BCAR3: variants seen among roughly 807,000 people sequenced by gnomAD.
The protein encoded by BCAR3 is breast cancer anti-estrogen resistance protein 3.
Under a neutral mutation model 80.1 loss-of-function variants are expected in BCAR3, and 37 were observed. The observed-to-expected ratio is 0.46, with a 90% confidence interval of 0.36 to 0.61. The LOEUF is 0.61. Among genes scored for constraint, BCAR3 ranks in the 20% least tolerant of loss-of-function variants. BCAR3 has a pLI of 0.00. For missense variants in BCAR3, 978 were observed against 1,068.2 expected, an observed-to-expected ratio of 0.92 and a Z score of 1.18; for synonymous variants, 389 against 418.9, an observed-to-expected ratio of 0.93 and a Z score of 0.87.
intron 2 of BCAR3, among the ~76,000 whole-genome samples, chr1:93,645,136 G>T (rs896925239): frequency 3.9e-5 from 6 of 152,136 alleles, no homozygotes; most frequent in Non-Finnish European, 2.9e-5. Context: ...GAGTGTCTAG[G>T]GGGTTGGCCC....
In BCAR3 at chr1:93,586,108, T is replaced by C. The variant is rs979206226; in HGVS notation, c.930-1987A>G. On this transcript the variant is annotated intron_variant, in intron 5 of 11. Coordinates refer to ENST00000260502, the MANE Select transcript of BCAR3 (RefSeq NM_003567.4). The surrounding 1 kb of genome is among the most constrained non-coding windows in gnomAD (Gnocchi z 4.2). ...AAATATATAATTGTTTTGACTACAG[T>C]CACCCTATTGTGTTATCAAATAAGT... 3.3e-5 allele frequency among the ~76,000 whole-genome samples: 5 copies of C among 152,158 alleles called. No individual in the cohort carries two copies. The highest frequency in any genetic ancestry group is 1.2e-4 in the African/African-American group (5 of 41,440).
At chr1:93,835,556 G>A (rs1243829334) in intron 2 of BCAR3, among the ~76,000 whole-genome samples, 4 of 152,192 alleles carry the variant, frequency 2.6e-5, no homozygotes, top group Non-Finnish European at 4.4e-5. Context: ...CTATTCTGTC[G>A]TCATTTCATA....
rs1427949777 is a variant in BCAR3, at chr1:93,584,242, C to T, written c.930-121G>A. 5.2e-6 allele frequency: 4 copies of T among 774,252 alleles called. No homozygotes were observed. In the African/African-American group the frequency reaches 7.0e-5, roughly 14 times the overall value. The allele number at this position is 774,252 out of a possible 1,614,324, so 48.0% of individuals were successfully genotyped here. Reference sequence around the variant, plus strand: ...AAGAAAACTGCTCAGAACGAGAGTGCTACAGCATACCCTAAAAGTAAAGGA... The same window carrying T: ...AAGAAAACTGCTCAGAACGAGAGTGTTACAGCATACCCTAAAAGTAAAGGA... On this transcript the variant is annotated intron_variant, in intron 5 of 11. Coordinates refer to ENST00000260502, the MANE Select transcript of BCAR3 (RefSeq NM_003567.4).
chr1:93,775,398 C>T (rs917060356), intron 2 of BCAR3: 1 of 152,180 alleles, frequency 6.6e-6, no homozygotes, highest in Non-Finnish European at 1.5e-5. Context: ...TGCTCCTGAC[C>T]GCTCCAGCCT....
chr1:93,760,942 G>T (rs1651923122), intron 2 of BCAR3, among the ~76,000 whole-genome samples: 1 of 152,124 alleles, frequency 6.6e-6, no homozygotes, highest in African/African-American at 2.4e-5. Context: ...GTGACTGATG[G>T]TCCACATGGA....
intron 2 of BCAR3, among the ~76,000 whole-genome samples, chr1:93,778,568 G>T (rs11164986): frequency 0.12 from 17,760 of 151,824 alleles, 1,452 homozygotes; most frequent in African/African-American, 0.22. Flanking sequence ...AGCAGTGAAA[G>T]GGAGTTATTT....
At chr1:93,650,108 A>G (rs1440342207) in intron 2 of BCAR3, among the ~76,000 whole-genome samples, 1 of 151,574 alleles carries the variant, frequency 6.6e-6, no homozygotes, top group Admixed American at 6.6e-5. Context: ...GTGTGCGAGT[A>G]AGGGTGTGAT....
chr1:93,751,479 G>A (rs1041172916), intron 2 of BCAR3, among the ~76,000 whole-genome samples: 17 of 152,098 alleles, frequency 1.1e-4, no homozygotes, highest in Non-Finnish European at 2.5e-4. Context: ...AGCTGGCCTG[G>A]TATCACCAGA....
intron 3 of BCAR3, among the ~76,000 whole-genome samples, chr1:93,689,934 G>A (rs1297719736): frequency 6.6e-6 from 1 of 152,226 alleles, no homozygotes; most frequent in African/African-American, 2.4e-5. Context: ...TGAGAGCAAA[G>A]TCAGCCTTCC....
At chr1:93,710,732 C>A (rs1185592065) in intron 2 of BCAR3, among the ~76,000 whole-genome samples, 3 of 152,344 alleles carry the variant, frequency 2.0e-5, no homozygotes, top group East Asian at 3.9e-4. Flanking sequence ...CCTCCCCCTG[C>A]TTTATCTAGC....
chr1:93,723,236 A>C (rs1650467252), intron 2 of BCAR3: 1 of 152,252 alleles, frequency 6.6e-6, no homozygotes, highest in Admixed American at 6.5e-5. Context: ...GATTTGAAAT[A>C]GAAACACACA....
intron 2 of BCAR3, among the ~76,000 whole-genome samples, chr1:93,735,744 G>C (rs980442327): frequency 6.6e-6 from 1 of 152,208 alleles, no homozygotes; most frequent in African/African-American, 2.4e-5. Context: ...TTCTCAGAGA[G>C]AAAAGATGAT....
In BCAR3 at chr1:93,774,483, C is replaced by CAAAAA. The variant is rs368408896; in HGVS notation, c.-62-68346_-62-68342dup. Among the ~76,000 whole-genome samples the CAAAAA allele has an allele frequency of 2.3e-3, 290 of 124,444 alleles. 4 individuals carry two copies. Among genetic ancestry groups the CAAAAA allele is most frequent in the African/African-American group, 8.3e-3 (277 of 33,412 alleles). The allele number at this position is 124,444 out of a possible 152,430, so 81.6% of individuals were successfully genotyped here. A position where few individuals can be genotyped will look rare whatever the true frequency, so the allele number is the denominator to read the frequency against. ...TGATCAACAGAGCGAGATTCTGTTT[C>CAAAAA]AAAAAAAAAAAAAAAAGACAAGCAA... is the stretch of plus-strand genomic sequence containing the variant. On this transcript the variant is annotated intron_variant, in intron 2 of 13. Transcript: ENST00000370244.
chr1:93,610,402 G>C (rs1013767603), intron 3 of BCAR3, among the ~76,000 whole-genome samples: 1 of 152,058 alleles, frequency 6.6e-6, no homozygotes, highest in Non-Finnish European at 1.5e-5. Flanking sequence ...CCGTCCCTAT[G>C]CCATTCTTTT....
chr1:93,667,866 T>C (rs1278777027), intron 2 of BCAR3, among the ~76,000 whole-genome samples: 1 of 152,236 alleles, frequency 6.6e-6, no homozygotes, highest in Non-Finnish European at 1.5e-5. Flanking sequence ...GACAGTCTCC[T>C]TCCAATCAAC....
intron 2 of BCAR3, among the ~76,000 whole-genome samples, chr1:93,730,390 A>G (rs1287463244): frequency 6.6e-6 from 1 of 152,176 alleles, no homozygotes. Flanking sequence ...TATCTGGTTA[A>G]CTGCATGGCA....
chr1:93,671,556 T>C (rs1032605986), intron 2 of BCAR3, among the ~76,000 whole-genome samples: 2 of 152,168 alleles, frequency 1.3e-5, no homozygotes, highest in African/African-American at 4.8e-5. Context: ...ACCCCTGAAT[T>C]CACTACGAAA....
chr1:93,579,971 A>G lies in BCAR3; in HGVS notation c.1686+2330T>C, dbSNP rs1369146333. On this transcript the variant is annotated intron_variant, in intron 7 of 11. Transcript: ENST00000260502. ...TTCGCAAATTGCGTGACTACCTGTG[A>G]GCACTGCCCGAGGCCATCTGGCCAA... Among the ~76,000 whole-genome samples, 6 of 152,238 alleles carry G rather than the reference A, an allele frequency of 3.9e-5. No homozygotes were observed. The East Asian group carries it at 1.2e-3, about 29-fold the overall frequency.
At chr1:93,653,096 T>C (rs546204018) in intron 2 of BCAR3, among the ~76,000 whole-genome samples, 8 of 152,336 alleles carry the variant, frequency 5.3e-5, no homozygotes, top group Admixed American at 2.6e-4. Flanking sequence ...CAGACCTTCT[T>C]TTCCAAGTAG....
Sources: allele counts gnomAD v4.1 joint callset (sites outside exome capture counted in the v4.1 genomes callset), GRCh38; gene constraint gnomAD v4.1.1; non-coding constraint Gnocchi (gnomAD v3.1); transcripts MANE v1.5; gene names NCBI Gene and HGNC (gene_info 2026-07-23, HGNC 2026-07-21).